The following ANKS1B variants were observed in gnomAD, a reference collection of about 807,000 sequenced individuals.
ANKS1B encodes the protein ankyrin repeat and sterile alpha motif domain-containing protein 1B.
ANKS1B carries 36 observed loss-of-function variants against 148.3 expected under a neutral mutation model. The ratio of observed to expected loss-of-function variants is 0.24; its 90% CI spans 0.19 to 0.32. ANKS1B has a LOEUF of 0.32. Among genes scored for constraint, ANKS1B ranks in the 10% least tolerant of loss-of-function variants. ANKS1B has a pLI of 1.00. For synonymous variants in ANKS1B, 542 were observed against 560.8 expected (o/e 0.97, Z 0.47); for missense variants, 1,157 against 1,542.6 (o/e 0.75, Z 4.19).
intron 14 of ANKS1B, among the ~76,000 whole-genome samples, chr12:99,219,913 G>A (rs2084815135): frequency 6.6e-6 from 1 of 152,262 alleles, no homozygotes; most frequent in Non-Finnish European, 1.5e-5. Context: ...GTGGTGGTGA[G>A]TGGTGTTCAA....
intron 8 of ANKS1B, among the ~76,000 whole-genome samples, chr12:99,712,271 G>C (rs565159115): frequency 3.3e-5 from 5 of 152,220 alleles, no homozygotes; most frequent in African/African-American, 9.6e-5. Flanking sequence ...TGTTTCATGT[G>C]GGGTTTATGA....
chr12:99,665,887 C>T (rs2098504334), intron 8 of ANKS1B, among the ~76,000 whole-genome samples: 1 of 152,072 alleles, frequency 6.6e-6, no homozygotes, highest in African/African-American at 2.4e-5. Context: ...AAATCTTTGC[C>T]TAACACAAAG....
At chr12:99,517,092 C>T (rs1442688132) in intron 9 of ANKS1B, among the ~76,000 whole-genome samples, 2 of 152,014 alleles carry the variant, frequency 1.3e-5, no homozygotes, top group East Asian at 1.9e-4. Context: ...TAAATCTGTA[C>T]ATTGCTTTGG....
intron 8 of ANKS1B, among the ~76,000 whole-genome samples, chr12:99,724,116 G>A (rs996310515): frequency 1.3e-5 from 2 of 152,036 alleles, no homozygotes; most frequent in African/African-American, 4.8e-5. Flanking sequence ...TGATTGCAAT[G>A]CCGCTCCAGC....
intron 14 of ANKS1B, 49 bp from the exon 15 acceptor site, chr12:99,154,444 C>G (rs757898757): frequency 3.1e-6 from 5 of 1,613,530 alleles, no homozygotes; most frequent in Non-Finnish European, 4.2e-6. Flanking sequence ...TAGCCGTCCA[C>G]GGGGTAATAG....
At chr12:98,936,934 C>T (rs749074028) in intron 17 of ANKS1B, among the ~76,000 whole-genome samples, 1 of 152,178 alleles carries the variant, frequency 6.6e-6, no homozygotes, top group Non-Finnish European at 1.5e-5. Context: ...CTGGCCGTGG[C>T]CTTAGTAGTG....
intron 9 of ANKS1B, among the ~76,000 whole-genome samples, chr12:99,544,299 G>C (rs893488315): frequency 6.6e-6 from 1 of 152,070 alleles, no homozygotes; most frequent in East Asian, 1.9e-4. Flanking sequence ...TCTGATATCA[G>C]TGACAGTCAA....
chr12:99,929,281 T>C (rs2094552383), intron 1 of ANKS1B, among the ~76,000 whole-genome samples: 1 of 152,202 alleles, frequency 6.6e-6, no homozygotes, highest in Non-Finnish European at 1.5e-5. Flanking sequence ...GTTTTTTGGC[T>C]GCATAAATGT....
rs149006911 is a variant in ANKS1B at position 99,959,054 on chromosome 12, C to CT, written c.134+25049dup. Among the ~76,000 whole-genome samples, 305 of 120,978 alleles carry CT rather than the reference C, an allele frequency of 2.5e-3. 1 individual carries two copies. Among genetic ancestry groups the CT allele is most frequent in the South Asian group, 0.011 (43 of 3,798 alleles). The allele number at this position is 120,978 out of a possible 152,430, so 79.4% of individuals were successfully genotyped here. On this transcript the variant is annotated intron_variant, in intron 1 of 26. Transcript: ENST00000683438. ...ATAATTTTTAAAACCAAAGAACATG[C>CT]TTTTTTTTTTTTTTTTTTTGAGACA...
chr12:98,855,270 A>G (rs988529755), intron 17 of ANKS1B, among the ~76,000 whole-genome samples: 1 of 152,222 alleles, frequency 6.6e-6, no homozygotes, highest in South Asian at 2.1e-4. Flanking sequence ...ATTCTAACAA[A>G]GGTACTCAAA....
intron 1 of ANKS1B, among the ~76,000 whole-genome samples, chr12:99,980,087 C>A (rs1018939856): frequency 6.6e-6 from 1 of 150,624 alleles, no homozygotes; most frequent in East Asian, 2.0e-4. Flanking sequence ...TAAAAAGGAA[C>A]AGGAATAATT....
intron 12 of ANKS1B, among the ~76,000 whole-genome samples, chr12:99,312,096 G>C (rs141487902): frequency 9.2e-4 from 140 of 152,270 alleles, no homozygotes; most frequent in African/African-American, 3.2e-3. Flanking sequence ...TCTACAGTTT[G>C]TAGGCAGAAA....
intron 12 of ANKS1B, among the ~76,000 whole-genome samples, chr12:99,291,601 G>A (rs935798454): frequency 1.3e-5 from 2 of 152,006 alleles, no homozygotes; most frequent in African/African-American, 4.8e-5. Context: ...CATGTACAGT[G>A]AACTTATTTT....
At chr12:99,383,431 T>A (rs1487287877) in intron 12 of ANKS1B, among the ~76,000 whole-genome samples, 2 of 152,220 alleles carry the variant, frequency 1.3e-5, no homozygotes, top group Admixed American at 1.3e-4. Context: ...CCCCTGCCAA[T>A]CTCTGCAGTC....
chr12:99,012,089 G>A (rs894454618), intron 17 of ANKS1B, among the ~76,000 whole-genome samples: 2 of 152,178 alleles, frequency 1.3e-5, no homozygotes, highest in African/African-American at 2.4e-5. Flanking sequence ...GTTCAGGTGT[G>A]TGCAATTTTC....
At chr12:99,726,835 A>C (rs2153561983) in intron 8 of ANKS1B, among the ~76,000 whole-genome samples, 1 of 152,340 alleles carries the variant, frequency 6.6e-6, no homozygotes, top group Non-Finnish European at 1.5e-5. Context: ...CTAGTTCAAC[A>C]TACACAAATC....
chr12:98,879,059 T>C (rs2099699601), intron 17 of ANKS1B, among the ~76,000 whole-genome samples: 1 of 152,232 alleles, frequency 6.6e-6, no homozygotes, highest in South Asian at 2.1e-4. Flanking sequence ...ATTTAGCCAC[T>C]CTGGGCTTGC....
intron 25 of ANKS1B, among the ~76,000 whole-genome samples, chr12:98,767,082 G>T (rs764286250): frequency 2.0e-5 from 3 of 151,274 alleles, no homozygotes; most frequent in Non-Finnish European, 4.4e-5. Context: ...GCCTCCCAAA[G>T]TGCTGGGGAT....
At chr12:99,324,572 T>C (rs1028641186) in intron 12 of ANKS1B, among the ~76,000 whole-genome samples, 6 of 152,204 alleles carry the variant, frequency 3.9e-5, no homozygotes, top group East Asian at 1.9e-4. Context: ...ATTTGATTTT[T>C]AGCCTTTTCA....
Sources: gnomAD v4.1 joint callset for allele counts (sites outside exome capture counted in the v4.1 genomes callset) on GRCh38, gnomAD v4.1.1 for gene constraint, MANE v1.5 for transcripts, NCBI Gene and HGNC (gene_info 2026-07-23, HGNC 2026-07-21) for gene names.